Variants in PTPRT observed in about 807,000 individuals in gnomAD.
PTPRT encodes the protein protein tyrosine phosphatase receptor type T.
PTPRT carries 56 observed loss-of-function variants against 176.8 expected under a neutral mutation model. The ratio of observed to expected loss-of-function variants is 0.32; its 90% CI spans 0.26 to 0.40. The LOEUF is 0.40. Among genes scored for constraint, PTPRT ranks in the 10% least tolerant of loss-of-function variants. PTPRT has a pLI of 1.00. For missense variants in PTPRT, 1,540 were observed against 1,908.2 expected, an observed-to-expected ratio of 0.81 and a Z score of 3.60; for synonymous variants, 783 against 739.0, an observed-to-expected ratio of 1.06 and a Z score of -0.96.
rs538147299 is a variant in PTPRT, at chr20:42,639,052, T to C, written c.1153+38814A>G. On this transcript the variant is annotated intron_variant, in intron 7 of 30. Coordinates refer to ENST00000373187, the MANE Select transcript of PTPRT (RefSeq NM_007050.6). ...ATTTTAAAGAACCTTCCCATTTGTT[T>C]CTTTAAGTTATTAATGTCTCCAATA... is the stretch of plus-strand genomic sequence containing the variant. Among the ~76,000 whole-genome samples the C allele has an allele frequency of 5.9e-5, 9 of 151,656 alleles. 1 individual carries two copies. In the South Asian group the frequency reaches 1.9e-3, roughly 32 times the overall value.
At chr20:42,246,060 G>C (rs1195086529) in intron 14 of PTPRT, among the ~76,000 whole-genome samples, 2 of 152,144 alleles carry the variant, frequency 1.3e-5, no homozygotes, top group Non-Finnish European at 2.9e-5. Context: ...TCTTTGACTT[G>C]AATACATCTT....
intron 7 of PTPRT, among the ~76,000 whole-genome samples, chr20:42,504,992 T>C (rs1056918522): frequency 3.9e-5 from 6 of 152,150 alleles, no homozygotes; most frequent in African/African-American, 2.4e-5. Context: ...TTCTGGGAGC[T>C]GGGCAGAGCA....
intron 14 of PTPRT, among the ~76,000 whole-genome samples, chr20:42,238,897 A>C (rs990688326): frequency 3.9e-5 from 6 of 152,170 alleles, no homozygotes; most frequent in African/African-American, 1.4e-4. Flanking sequence ...CAGTTTCTCT[A>C]TCTCAAGCTT....
intron 1 of PTPRT, among the ~76,000 whole-genome samples, chr20:43,076,512 G>A (rs2011284116): frequency 6.6e-6 from 1 of 151,936 alleles, no homozygotes; most frequent in South Asian, 2.1e-4. Flanking sequence ...ACCTTTTACT[G>A]TAGATATGTG....
At chr20:42,333,584 G>A (rs1043292366) in intron 11 of PTPRT, among the ~76,000 whole-genome samples, 12 of 151,798 alleles carry the variant, frequency 7.9e-5, no homozygotes, top group East Asian at 3.9e-4. Context: ...CACCCACCTC[G>A]CCCTCCCAAA....
intron 1 of PTPRT, among the ~76,000 whole-genome samples, chr20:42,933,987 G>C (rs1980023632): frequency 6.6e-6 from 1 of 152,210 alleles, no homozygotes; most frequent in Admixed American, 6.5e-5. Flanking sequence ...GAAAATACAT[G>C]CAACAGTCTG....
intron 1 of PTPRT, among the ~76,000 whole-genome samples, chr20:43,083,128 G>C (rs564623084): frequency 1.3e-5 from 2 of 151,950 alleles, no homozygotes; most frequent in Non-Finnish European, 2.9e-5. Flanking sequence ...CTGGTGGGCT[G>C]TCTGTGCAGC....
At chr20:42,444,422 C>T (rs1343454571) in intron 9 of PTPRT, among the ~76,000 whole-genome samples, 2 of 152,176 alleles carry the variant, frequency 1.3e-5, no homozygotes, top group African/African-American at 4.8e-5. Flanking sequence ...AAACAGAGGA[C>T]TGAAGACTGG....
chr20:42,375,892 A>G (rs1052148589), intron 9 of PTPRT, among the ~76,000 whole-genome samples: 2 of 152,244 alleles, frequency 1.3e-5, no homozygotes, highest in Non-Finnish European at 2.9e-5. Flanking sequence ...GTGCCTGCTC[A>G]GAACATTAGT....
intron 21 of PTPRT, 120 bp from the exon 22 acceptor site, chr20:42,115,435 T>G (rs1035813863): frequency 8.1e-6 from 6 of 743,492 alleles, no homozygotes; most frequent in Non-Finnish European, 1.2e-5. Flanking sequence ...CAAGGGTGAC[T>G]TTGGTGGCAT....
At chr20:42,676,813 T>A (rs2075512764) in intron 7 of PTPRT, among the ~76,000 whole-genome samples, 1 of 152,238 alleles carries the variant, frequency 6.6e-6, no homozygotes, top group Non-Finnish European at 1.5e-5. Context: ...TTTCTTGAGT[T>A]GCATCCAGAG....
intron 1 of PTPRT, among the ~76,000 whole-genome samples, chr20:43,041,089 C>A (rs1461258234): frequency 6.6e-6 from 1 of 152,184 alleles, no homozygotes; most frequent in Non-Finnish European, 1.5e-5. Context: ...ACAAGCCCTG[C>A]ATGTGATTCT....
At chr20:42,349,870 T>C (rs2058250679) in intron 11 of PTPRT, among the ~76,000 whole-genome samples, 1 of 152,202 alleles carries the variant, frequency 6.6e-6, no homozygotes, top group Non-Finnish European at 1.5e-5. Context: ...CTAGCAGTGG[T>C]CAGTTTAACT....
chr20:42,636,715 G>A (rs143110467), intron 7 of PTPRT, among the ~76,000 whole-genome samples: 4 of 151,466 alleles, frequency 2.6e-5, no homozygotes, highest in African/African-American at 7.3e-5. Flanking sequence ...AATTCAGGAG[G>A]TGGAGGTTGC....
At chr20:43,165,784 G>A (rs1194061982) in intron 1 of PTPRT, among the ~76,000 whole-genome samples, 1 of 152,132 alleles carries the variant, frequency 6.6e-6, no homozygotes, top group Non-Finnish European at 1.5e-5. Flanking sequence ...TACTTTGGCA[G>A]TTGAGTGGCA....
At chr20:42,046,740 T>C in the PTPRT span, among the ~76,000 whole-genome samples, 3 of 152,022 alleles carry the variant, frequency 2.0e-5, no homozygotes, top group African/African-American at 7.2e-5. Context: ...GGAAGAACAC[T>C]GCTGGTTACG....
chr20:42,176,230 G>A, intron 16 of PTPRT, among the ~76,000 whole-genome samples: 1 of 152,060 alleles, frequency 6.6e-6, no homozygotes, highest in East Asian at 1.9e-4. Flanking sequence ...TAAATACAAT[G>A]TTTGTTTATC....
Position 42,914,733 on chromosome 20 carries a change from T to C in PTPRT, c.89-28801A>G, listed in dbSNP as rs150322459. 2.6e-3 allele frequency among the ~76,000 whole-genome samples: 388 copies of C among 152,110 alleles called. 1 individual carries two copies. Among genetic ancestry groups the C allele is most frequent in the African/African-American group, 8.7e-3 (362 of 41,496 alleles). On this transcript the variant is annotated intron_variant, in intron 1 of 30. Transcript: ENST00000373187. ...CAGCATGGGAGAATTTGGTCGATAA[T>C]TGAAAAAACACATTATCAATACATA...
intron 7 of PTPRT, among the ~76,000 whole-genome samples, chr20:42,643,919 C>T (rs533411160): frequency 6.6e-6 from 1 of 151,304 alleles, no homozygotes; most frequent in Non-Finnish European, 1.5e-5. Flanking sequence ...GCTCCTTCTC[C>T]TTCTTTGACA....
Sources: gnomAD v4.1 joint callset for allele counts (sites outside exome capture counted in the v4.1 genomes callset) on GRCh38, gnomAD v4.1.1 for gene constraint, MANE v1.5 for transcripts, NCBI Gene and HGNC (gene_info 2026-07-23, HGNC 2026-07-21) for gene names.